Variants in ROBO2 observed in about 807,000 individuals in gnomAD.
The protein encoded by ROBO2 is roundabout guidance receptor 2.
Under a neutral mutation model 160.8 loss-of-function variants are expected in ROBO2, and 53 were observed. The observed-to-expected ratio is 0.33, with a 90% CI of 0.26 to 0.41. The LOEUF (loss-of-function observed/expected upper bound fraction) is 0.41, where lower values mean the gene tolerates loss of function less well. Among genes scored for constraint, ROBO2 ranks in the 10% least tolerant of loss-of-function variants. The pLI, the probability that ROBO2 is intolerant of heterozygous loss-of-function variation, is 1.00. For synonymous variants in ROBO2, 664 were observed against 611.7 expected (o/e 1.09, Z -1.26); for missense variants, 1,577 against 1,722.4 (o/e 0.92, Z 1.49).
At chr3:76,262,795 A>G (rs1706848939) in intron 2 of ROBO2, among the ~76,000 whole-genome samples, 1 of 152,198 alleles carries the variant, frequency 6.6e-6, no homozygotes, top group Non-Finnish European at 1.5e-5. Context: ...AAGTTTAAGA[A>G]ACAATAGAGA....
intron 2 of ROBO2, among the ~76,000 whole-genome samples, chr3:76,677,517 G>T (rs1448635117): frequency 3.3e-5 from 5 of 152,054 alleles, no homozygotes; most frequent in Admixed American, 3.3e-4. Context: ...TCCAATTCAA[G>T]AAAATAATCT....
In ROBO2 at chr3:76,688,206, T is replaced by C. The variant is rs141988933; in HGVS notation, c.110-409808T>C. Among the ~76,000 whole-genome samples, 87 of 152,162 alleles carry C rather than the reference T, an allele frequency of 5.7e-4. 2 individuals carry two copies. Among genetic ancestry groups the C allele is most frequent in the African/African-American group, 2.0e-3 (83 of 41,550 alleles). On this transcript the variant is annotated intron_variant, in intron 2 of 26. Transcript: ENST00000487694. ...ATGCTGGTTGGCAAATAATCTATCA[T>C]AGCATTTATTAAGGAAAAGGCAAGG...
At chr3:75,916,890 T>G (rs908725153) in intron 1 of ROBO2, among the ~76,000 whole-genome samples, 2 of 151,990 alleles carry the variant, frequency 1.3e-5, no homozygotes, top group African/African-American at 4.8e-5. Context: ...CATATATATG[T>G]TACAAATACA....
intron 17 of ROBO2, among the ~76,000 whole-genome samples, chr3:77,589,599 T>C (rs1472773736): frequency 6.6e-6 from 1 of 152,060 alleles, no homozygotes; most frequent in East Asian, 1.9e-4. Flanking sequence ...TTCACAACAA[T>C]GTTTTCTTCT....
Position 76,061,354 on chromosome 3 carries a change from G to C in ROBO2, c.109+123752G>C, listed in dbSNP as rs1008979323. On this transcript the variant is annotated intron_variant, in intron 2 of 26. Transcript: ENST00000487694. ...TTCAGCTGAGTTGTTTGAGCTCTCTGTGTTTAAGTACAGTCTCATTATTCA... is the reference window on the plus strand; with the variant it reads ...TTCAGCTGAGTTGTTTGAGCTCTCTCTGTTTAAGTACAGTCTCATTATTCA... Among the ~76,000 whole-genome samples, 23 of 152,124 alleles carry C rather than the reference G, an allele frequency of 1.5e-4. 1 individual carries two copies. Among genetic ancestry groups the C allele is most frequent in the African/African-American group, 5.6e-4 (23 of 41,436 alleles).
chr3:76,226,527 C>A (rs1704296865), intron 2 of ROBO2, among the ~76,000 whole-genome samples: 1 of 152,114 alleles, frequency 6.6e-6, no homozygotes, highest in East Asian at 1.9e-4. Context: ...TCTAATGTTC[C>A]TTAAAATTGT....
In ROBO2 at chr3:77,563,140, G is replaced by T. The variant is rs770710095; in HGVS notation, c.1520-27G>T. 1.4e-5 allele frequency: 23 copies of T among 1,611,246 alleles called. No homozygotes were observed. In the South Asian group the frequency reaches 2.4e-4, roughly 17 times the overall value. On this transcript the variant is annotated intron_variant, in intron 10 of 25. Transcript: ENST00000461745. ...ATTGTCAACTTATGCAATCAGGAAT[G>T]AAGTTTTTTCTGTCTGTCCTCTATA...
intron 2 of ROBO2, among the ~76,000 whole-genome samples, chr3:76,583,483 G>A (rs189389700): frequency 5.3e-5 from 8 of 152,054 alleles, no homozygotes; most frequent in East Asian, 3.9e-4. Flanking sequence ...CTACTTCTTG[G>A]GTGTTAAACT....
chr3:76,167,538 G>A (rs1167736953), intron 2 of ROBO2, among the ~76,000 whole-genome samples: 1 of 152,074 alleles, frequency 6.6e-6, no homozygotes, highest in Non-Finnish European at 1.5e-5. Flanking sequence ...TGCACGTCAT[G>A]CATGCATGCT....
chr3:76,619,167 C>T (rs1020259904), intron 2 of ROBO2, among the ~76,000 whole-genome samples: 2 of 151,450 alleles, frequency 1.3e-5, no homozygotes, highest in East Asian at 1.9e-4. Flanking sequence ...GGTGAAACCC[C>T]GTCTCTACTA....
At chr3:77,019,423 G>T (rs972824789) in intron 2 of ROBO2, among the ~76,000 whole-genome samples, 9 of 152,066 alleles carry the variant, frequency 5.9e-5, no homozygotes, top group African/African-American at 2.2e-4. Flanking sequence ...ACATCACATT[G>T]GGAATTAGGA....
intron 2 of ROBO2, among the ~76,000 whole-genome samples, chr3:76,177,261 G>A (rs532832589): frequency 6.6e-6 from 1 of 152,186 alleles, no homozygotes; most frequent in South Asian, 2.1e-4. Flanking sequence ...CTTAAATTGG[G>A]TATAATAAAC....
chr3:76,794,487 G>A (rs2108767930), intron 2 of ROBO2, among the ~76,000 whole-genome samples: 1 of 152,062 alleles, frequency 6.6e-6, no homozygotes, highest in South Asian at 2.1e-4. Context: ...TGAAGGTAAT[G>A]TATCAAGGGT....
intron 2 of ROBO2, among the ~76,000 whole-genome samples, chr3:76,806,368 A>G (rs2064713811): frequency 6.6e-6 from 1 of 151,914 alleles, no homozygotes; most frequent in Admixed American, 6.6e-5. Context: ...GTTACTCAAA[A>G]TGTCTAGATG....
chr3:77,367,036 C>G (rs1014218891), intron 2 of ROBO2, among the ~76,000 whole-genome samples: 3 of 152,094 alleles, frequency 2.0e-5, no homozygotes, highest in Non-Finnish European at 2.9e-5. Flanking sequence ...ATACATTGCA[C>G]TGTAAGTTGT....
At chr3:76,450,318 A>C (rs1392816897) in intron 2 of ROBO2, among the ~76,000 whole-genome samples, 1 of 152,196 alleles carries the variant, frequency 6.6e-6, no homozygotes, top group African/African-American at 2.4e-5. Context: ...ACCTTTAATA[A>C]AGTTTTATAG....
intron 2 of ROBO2, among the ~76,000 whole-genome samples, chr3:77,295,035 A>G (rs1478868713): frequency 6.6e-6 from 1 of 151,580 alleles, no homozygotes; most frequent in Admixed American, 6.6e-5. Context: ...AAAGACTTAA[A>G]GAAAAATTGA....
At chr3:76,053,867 T>G (rs1010106130) in intron 2 of ROBO2, among the ~76,000 whole-genome samples, 2 of 152,102 alleles carry the variant, frequency 1.3e-5, no homozygotes, top group Admixed American at 6.6e-5. Context: ...ACAGTACTAC[T>G]CATAAAACAG....
At chr3:76,054,439 A>G (rs2067764921) in intron 2 of ROBO2, among the ~76,000 whole-genome samples, 1 of 152,204 alleles carries the variant, frequency 6.6e-6, no homozygotes, top group East Asian at 1.9e-4. Flanking sequence ...AGAAACGGTC[A>G]ACTAAAGTTA....
Sources: gnomAD v4.1 joint callset for allele counts (sites outside exome capture counted in the v4.1 genomes callset) on GRCh38, gnomAD v4.1.1 for gene constraint, MANE v1.5 for transcripts, NCBI Gene and HGNC (gene_info 2026-07-23, HGNC 2026-07-21) for gene names.